The following HERC2 variants were observed in gnomAD, a reference collection of about 807,000 sequenced individuals.
HERC2 encodes HECT and RLD domain containing E3 ubiquitin protein ligase 2, also known as E3 ubiquitin-protein ligase HERC2.
A neutral mutation model predicts 537.7 loss-of-function variants in HERC2; 102 were observed. The observed-to-expected ratio is 0.19, with a 90% CI of 0.16 to 0.22. HERC2 has a LOEUF of 0.22. Among genes scored for constraint, HERC2 ranks in the 10% least tolerant of loss-of-function variants. HERC2 has a pLI of 1.00. For synonymous variants in HERC2, 2,224 were observed against 2,466.2 expected, an observed-to-expected ratio of 0.90 and a Z score of 2.91; for missense variants, 4,236 against 6,198.2, an observed-to-expected ratio of 0.68 and a Z score of 10.63.
rs960345102 is a variant in HERC2, at chr15:28,111,673, T to C, written c.*90A>G. ...CTGGCTCGAGGACGGACGCTTCTCA[T>C]CAGACACACCAGGCAGCCTACAGTC... On this transcript the variant is annotated 3_prime_UTR_variant, in exon 93 of 93. Transcript: ENST00000261609. 12 of 1,416,896 alleles carry C rather than the reference T, an allele frequency of 8.5e-6. No individual in the cohort carries two copies. The Admixed American group carries it at 2.1e-4, about 24-fold the overall frequency. The allele number at this position is 1,416,896 out of a possible 1,614,324, so 87.8% of individuals were successfully genotyped here. A position where few individuals can be genotyped will look rare whatever the true frequency, so the allele number is the denominator to read the frequency against.
At chr15:28,234,959 G>A (rs1902266616) in intron 26 of HERC2, among the ~76,000 whole-genome samples, 1 of 151,568 alleles carries the variant, frequency 6.6e-6, no homozygotes, top group Non-Finnish European at 1.5e-5. Flanking sequence ...CTTGGAGATG[G>A]GAGGGCCGAT....
At chr15:28,310,020 C>T (rs2076896703) in intron 2 of HERC2, among the ~76,000 whole-genome samples, 1 of 152,116 alleles carries the variant, frequency 6.6e-6, no homozygotes, top group Non-Finnish European at 1.5e-5. Flanking sequence ...AAAAGTGAGC[C>T]CTAGCCAGGT....
In HERC2 at chr15:28,197,445, C is replaced by A. The variant is rs1897453094; in HGVS notation, c.8012-876G>T. Among the ~76,000 whole-genome samples the A allele has an allele frequency of 2.0e-5, 3 of 152,176 alleles. No individual in the cohort carries two copies. In the South Asian group the frequency reaches 6.2e-4, roughly 32 times the overall value. On this transcript the variant is annotated intron_variant, in intron 50 of 92. Transcript: ENST00000261609. ...CACATTTCCATTTCTTAAATTCAGT[C>A]CTAAATTTTTATACAGCATGAAAAA...
chr15:28,312,541 C>T (rs11857158), intron 2 of HERC2, among the ~76,000 whole-genome samples: 3 of 151,154 alleles, frequency 2.0e-5, no homozygotes, highest in African/African-American at 4.9e-5. Flanking sequence ...TACAGCAGGA[C>T]GGTCACCTGC....
chr15:28,272,393 G>C lies in HERC2; in HGVS notation c.912-7C>G. Reference sequence around the variant, plus strand: ...GATGGCAGACAACATTTGGCTAAAGGAGAAAAGATATTTATTCTAGTAAAA... The same window carrying C: ...GATGGCAGACAACATTTGGCTAAAGCAGAAAAGATATTTATTCTAGTAAAA... On this transcript the variant is annotated splice_polypyrimidine_tract_variant and splice_region_variant and intron_variant, in intron 8 of 92. Transcript: ENST00000261609. 6.2e-7 allele frequency: 1 copy of C among 1,608,782 alleles called. No individual in the cohort carries two copies. Among genetic ancestry groups the C allele is most frequent in the East Asian group, 2.2e-5 (1 of 44,752 alleles).
intron 83 of HERC2, among the ~76,000 whole-genome samples, chr15:28,125,493 C>T (rs1326268831): frequency 1.3e-5 from 2 of 152,148 alleles, no homozygotes; most frequent in Non-Finnish European, 2.9e-5. Flanking sequence ...AAGCCTCCAA[C>T]AGTGTTAGTT....
chr15:28,152,227 C>G (rs1351163515), intron 70 of HERC2, among the ~76,000 whole-genome samples: 1 of 152,224 alleles, frequency 6.6e-6, no homozygotes, highest in East Asian at 1.9e-4. Context: ...TGAAGCCCGC[C>G]AGATCAAAGG....
intron 68 of HERC2, among the ~76,000 whole-genome samples, chr15:28,166,662 G>A (rs1894168017): frequency 6.6e-6 from 1 of 152,166 alleles, no homozygotes; most frequent in South Asian, 2.1e-4. Flanking sequence ...AAATTATGGG[G>A]ACACATCAGA....
rs2075777140 is a variant in HERC2, at chr15:28,272,915, G to C, written c.890C>G (p.Ala297Gly). 5.0e-6 allele frequency: 8 copies of C among 1,611,218 alleles called. No homozygotes were observed. The highest frequency in any genetic ancestry group is 6.8e-6 in the Non-Finnish European group (8 of 1,179,830). The change falls in exon 8 of 93, where the codon GCT (alanine) becomes GGT (glycine). Residue 297 changes from alanine (A) to glycine (G), a missense_variant. Ala to Gly is a moderately conservative substitution (Grantham distance 60, BLOSUM62 0). This residue lies in a region of HERC2 where 491 missense variants were observed against 559.3 expected (regional missense o/e 0.88). Coordinates refer to ENST00000261609, the MANE Select transcript of HERC2 (RefSeq NM_004667.6). Reference sequence around the variant, plus strand: ...TCACCTCAGCGTGCCTCTCTGCACAGCCAGCTCCAGCAGGATGGCCAGGGC... The same window carrying C: ...TCACCTCAGCGTGCCTCTCTGCACACCCAGCTCCAGCAGGATGGCCAGGGC... ...HLALAILLEL[A>G]VQRGTLSQML...
chr15:28,283,262 C>G lies in HERC2; in HGVS notation c.323-2975G>C, dbSNP rs187405359. ...CCAAAGAAATCCAAACTAAGACATA[C>G]AATAATCAAACTCCAAAAAACAAAA... is the stretch of plus-strand genomic sequence containing the variant. On this transcript the variant is annotated intron_variant, in intron 4 of 92. Coordinates refer to ENST00000261609, the MANE Select transcript of HERC2 (RefSeq NM_004667.6). Among the ~76,000 whole-genome samples the G allele has an allele frequency of 1.6e-3, 246 of 152,104 alleles. 2 individuals are homozygous for G. Among genetic ancestry groups the G allele is most frequent in the African/African-American group, 5.8e-3 (239 of 41,518 alleles).
chr15:28,131,718 C>G (rs1239528983), intron 81 of HERC2, among the ~76,000 whole-genome samples: 1 of 152,192 alleles, frequency 6.6e-6, no homozygotes, highest in Non-Finnish European at 1.5e-5. Context: ...TTAGCAAGCA[C>G]TGGCACCCCC....
chr15:28,181,123 T>C (rs1186538241), intron 57 of HERC2, among the ~76,000 whole-genome samples: 1 of 152,240 alleles, frequency 6.6e-6, no homozygotes, highest in African/African-American at 2.4e-5. Flanking sequence ...TTTCCCATTG[T>C]AGATGGATGT....
intron 42 of HERC2, 54 bp from the exon 43 acceptor site, chr15:28,212,637 A>G: frequency 1.3e-6 from 2 of 1,592,140 alleles, no homozygotes; most frequent in Non-Finnish European, 1.7e-6. Context: ...AACAAATGAA[A>G]CGTTCTGAAA....
In HERC2 at chr15:28,177,924, G is replaced by A. The variant is rs982467526; in HGVS notation, c.9164-415C>T. 1.3e-5 allele frequency among the ~76,000 whole-genome samples: 2 copies of A among 152,110 alleles called. No homozygotes were observed. Among genetic ancestry groups the A allele is most frequent in the African/African-American group, 4.8e-5 (2 of 41,410 alleles). ...AATTATTCAATCATTTGCGATTAAT[G>A]CAATATATTCACTCTTCCCAAAACA... On this transcript the variant is annotated intron_variant, in intron 59 of 92. Transcript: ENST00000261609. The surrounding 1 kb of genome is among the most constrained non-coding windows in gnomAD (Gnocchi z 5.0).
Position 28,141,537 on chromosome 15 carries a change from G to T in HERC2, c.11910C>A (p.Gly3970=), listed in dbSNP as rs751898740. Residue 3970 remains glycine (G), a synonymous_variant, in exon 78 of 93, where the codon GGC becomes GGA. Transcript: ENST00000261609. ...NHRGQLGGIE[G]AKVKVPTPCE... is the part of the protein sequence containing the mutation. The stretch of plus-strand genomic sequence containing the variant: ...AGGGAGTGGGAACTTTGACTTTTGC[G>T]CCTTCAATGCCCCCGAGCTGGCCCC... 3.7e-6 allele frequency: 6 copies of T among 1,614,076 alleles called. 1 individual carries two copies. The South Asian group carries it at 6.6e-5, about 18-fold the overall frequency.
At chr15:28,258,278 T>C (rs1237621027) in intron 16 of HERC2, among the ~76,000 whole-genome samples, 2 of 152,060 alleles carry the variant, frequency 1.3e-5, no homozygotes, top group African/African-American at 4.8e-5. Flanking sequence ...CAAGACAACC[T>C]GGCCAACATG....
At chr15:28,266,234 G>C (rs1341679525) in intron 12 of HERC2, among the ~76,000 whole-genome samples, 2 of 152,146 alleles carry the variant, frequency 1.3e-5, no homozygotes, top group Non-Finnish European at 2.9e-5. Flanking sequence ...TTGTACAATA[G>C]GCTAGGCGCG....
At chr15:28,253,809 A>C (rs1395705231) in intron 20 of HERC2, among the ~76,000 whole-genome samples, 1 of 151,734 alleles carries the variant, frequency 6.6e-6, no homozygotes, top group Non-Finnish European at 1.5e-5. Context: ...TAAAAATACA[A>C]AAATCAGCCA....
At chr15:28,140,196 G>A (rs1244292597) in intron 78 of HERC2, among the ~76,000 whole-genome samples, 1 of 152,048 alleles carries the variant, frequency 6.6e-6, no homozygotes, top group Non-Finnish European at 1.5e-5. Context: ...ATCTGATCAA[G>A]GGCTTCTACT....
Sources: allele counts gnomAD v4.1 joint callset (sites outside exome capture counted in the v4.1 genomes callset), GRCh38; gene constraint gnomAD v4.1.1; regional missense constraint gnomAD v4.1.1; non-coding constraint Gnocchi (gnomAD v3.1); transcripts MANE v1.5; gene names NCBI Gene and HGNC (gene_info 2026-07-23, HGNC 2026-07-21).